The following KIRREL3 variants were observed in gnomAD, a reference collection of about 807,000 sequenced individuals.
KIRREL3 encodes kirre like nephrin family adhesion molecule 3, also known as kin of IRRE-like protein 3.
Under a neutral mutation model 89.7 loss-of-function variants are expected in KIRREL3, and 36 were observed. The ratio of observed to expected loss-of-function variants is 0.40; its 90% CI spans 0.31 to 0.53. The LOEUF (loss-of-function observed/expected upper bound fraction) is 0.53. KIRREL3 is among the 20% of genes least tolerant of loss of function. The probability of loss-of-function intolerance (pLI) is 0.49; values close to 1 mark genes in which losing one functional copy is unlikely to be tolerated. For synonymous variants in KIRREL3, 445 were observed against 441.4 expected (o/e 1.01, Z -0.10); for missense variants, 864 against 1,056.6 (o/e 0.82, Z 2.53).
chr11:126,510,108 T>G (rs1303366953), intron 4 of KIRREL3, among the ~76,000 whole-genome samples: 1 of 151,658 alleles, frequency 6.6e-6, no homozygotes, highest in Non-Finnish European at 1.5e-5. Flanking sequence ...GGGCTGAAAT[T>G]GTCTGGGCAG....
chr11:126,952,549 A>T (rs969645416), intron 1 of KIRREL3, among the ~76,000 whole-genome samples: 2 of 152,138 alleles, frequency 1.3e-5, no homozygotes, highest in Non-Finnish European at 2.9e-5. Flanking sequence ...CACTCTGATG[A>T]TGGTTTCTTT....
At chr11:126,937,830 C>T (rs777165078) in intron 1 of KIRREL3, among the ~76,000 whole-genome samples, 31 of 152,146 alleles carry the variant, frequency 2.0e-4, no homozygotes, top group African/African-American at 6.0e-4. Flanking sequence ...ACCAAGGAGG[C>T]GGAGCTTGCA....
intron 1 of KIRREL3, among the ~76,000 whole-genome samples, chr11:126,598,076 A>C (rs1186901007): frequency 3.9e-5 from 6 of 152,258 alleles, no homozygotes; most frequent in African/African-American, 1.4e-4. Context: ...GCTAATGAGC[A>C]GGCGCAAGAA....
At position 126,686,777 on chromosome 11, in the gene KIRREL3, G is replaced by A. The variant is rs566941349; in HGVS notation, c.56-123865C>T. Among the ~76,000 whole-genome samples, 84 of 152,100 alleles carry A rather than the reference G, an allele frequency of 5.5e-4. No homozygotes were observed. Among genetic ancestry groups the A allele is most frequent in the Non-Finnish European group, 9.3e-4 (63 of 67,992 alleles). ...GTATTTTTAGTAGAGATGGGGCTTCGCATGTTGGCCAGGCTGGTCTCGAAC... is the reference window on the plus strand; with the variant it reads ...GTATTTTTAGTAGAGATGGGGCTTCACATGTTGGCCAGGCTGGTCTCGAAC... On this transcript the variant is annotated intron_variant, in intron 1 of 16. Coordinates refer to ENST00000525144, the MANE Select transcript of KIRREL3 (RefSeq NM_032531.4). This position sits in a 1 kb window ranked among gnomAD's most constrained non-coding sequence, Gnocchi z 4.7.
rs1180015979 is a variant in KIRREL3, at chr11:126,673,614, G to A, written c.56-110702C>T. Among the ~76,000 whole-genome samples, 3 of 152,176 alleles carry A rather than the reference G, an allele frequency of 2.0e-5. No individual in the cohort carries two copies. The South Asian group carries it at 6.2e-4, about 31-fold the overall frequency. ...ACAGTCAGGGCTGGCACAGGGACTG[G>A]GGAATGAAAAATAAATGAGGGCTCA... On this transcript the variant is annotated intron_variant, in intron 1 of 16. Coordinates refer to ENST00000525144, the MANE Select transcript of KIRREL3 (RefSeq NM_032531.4).
In KIRREL3 at chr11:126,985,231, G is replaced by A. The variant is rs1029308163; in HGVS notation, c.55+15224C>T. Among the ~76,000 whole-genome samples the A allele has an allele frequency of 1.3e-5, 2 of 152,162 alleles. No homozygotes were observed. Among genetic ancestry groups the A allele is most frequent in the Admixed American group, 1.3e-4 (2 of 15,288 alleles). ...CAAGTGAAATGCTGGGCACGGAAAGGTAGGAGTTGTCCAGAATCCCTGACA... is the reference window on the plus strand; with the variant it reads ...CAAGTGAAATGCTGGGCACGGAAAGATAGGAGTTGTCCAGAATCCCTGACA... On this transcript the variant is annotated intron_variant, in intron 1 of 16. Coordinates refer to ENST00000525144, the MANE Select transcript of KIRREL3 (RefSeq NM_032531.4). The surrounding 1 kb of genome is among the most constrained non-coding windows in gnomAD (Gnocchi z 5.3).
chr11:126,923,216 CTTCTTCT>C lies in KIRREL3; in HGVS notation c.55+77232_55+77238del, dbSNP rs1947495557. Among the ~76,000 whole-genome samples, 12 of 25,214 alleles carry C rather than the reference CTTCTTCT, an allele frequency of 4.8e-4. 3 individuals carry two copies. The highest frequency in any genetic ancestry group is 1.1e-3 in the Admixed American group (3 of 2,632). The allele number at this position is 25,214 out of a possible 152,430, so 16.5% of individuals were successfully genotyped here. A position where few individuals can be genotyped will look rare whatever the true frequency, so the allele number is the denominator to read the frequency against. ...TCTTCTTCTTCTTCTTCTTCTTCTT[CTTCTTCT>C]TCTTCTTCTTCTTCTTCTTCTTCTT... is the stretch of plus-strand genomic sequence containing the variant. On this transcript the variant is annotated intron_variant, in intron 1 of 16. Coordinates refer to ENST00000525144, the MANE Select transcript of KIRREL3 (RefSeq NM_032531.4).
In KIRREL3 at chr11:126,878,334, C is replaced by T. The variant is rs570046789; in HGVS notation, c.55+122121G>A. Reference sequence around the variant, plus strand: ...CAGGTGACTAATGGGGTCTCACCACCTCCCACCCCCATTAGATATATATAC... The same window carrying T: ...CAGGTGACTAATGGGGTCTCACCACTTCCCACCCCCATTAGATATATATAC... On this transcript the variant is annotated intron_variant, in intron 1 of 16. Transcript: ENST00000525144. Among the ~76,000 whole-genome samples the T allele has an allele frequency of 3.3e-5, 5 of 152,262 alleles. No homozygotes were observed. In the South Asian group the frequency reaches 8.3e-4, roughly 25 times the overall value.
chr11:126,602,787 C>T (rs1002167413), intron 1 of KIRREL3, among the ~76,000 whole-genome samples: 1 of 152,180 alleles, frequency 6.6e-6, no homozygotes, highest in Non-Finnish European at 1.5e-5. Flanking sequence ...GCTTGCTGTT[C>T]TGTCGGGGGC....
At position 126,614,021 on chromosome 11, in the gene KIRREL3, T is replaced by G. The variant is rs1437506897; in HGVS notation, c.56-51109A>C. On this transcript the variant is annotated intron_variant, in intron 1 of 16. Coordinates refer to ENST00000525144, the MANE Select transcript of KIRREL3 (RefSeq NM_032531.4). The surrounding 1 kb of genome is among the most constrained non-coding windows in gnomAD (Gnocchi z 4.6). Reference sequence around the variant, plus strand: ...ATTGCTTTTGGCTCTTGATTTATGATGAGGTTCTTTTCTGTGTAATTCTTT... The same window carrying G: ...ATTGCTTTTGGCTCTTGATTTATGAGGAGGTTCTTTTCTGTGTAATTCTTT... Among the ~76,000 whole-genome samples the G allele has an allele frequency of 1.3e-5, 2 of 152,128 alleles. No homozygotes were observed. The highest frequency in any genetic ancestry group is 3.8e-4 in the East Asian group (2 of 5,196).
In KIRREL3 at chr11:126,647,581, C is replaced by G. The variant is rs993970497; in HGVS notation, c.56-84669G>C. Among the ~76,000 whole-genome samples the G allele has an allele frequency of 3.3e-5, 5 of 152,226 alleles. No individual in the cohort carries two copies. Among genetic ancestry groups the G allele is most frequent in the African/African-American group, 1.2e-4 (5 of 41,456 alleles). On this transcript the variant is annotated intron_variant, in intron 1 of 16. Transcript: ENST00000525144. This position sits in a 1 kb window ranked among gnomAD's most constrained non-coding sequence, Gnocchi z 4.9. The stretch of plus-strand genomic sequence containing the variant: ...CAAAAGTTTACAGCGAAGATCAAAT[C>G]TGTCAGCAAATCCCTTTGGTTCTTC...
At chr11:126,815,235 ATTGAG>A (rs1951517958) in intron 1 of KIRREL3, among the ~76,000 whole-genome samples, 1 of 152,170 alleles carries the variant, frequency 6.6e-6, no homozygotes, top group Admixed American at 6.5e-5. Flanking sequence ...ATATTTCTGG[ATTGAG>A]TTAAGGATGG....
In KIRREL3 at chr11:126,653,650, C is replaced by T. The variant is rs1419772841; in HGVS notation, c.56-90738G>A. The stretch of plus-strand genomic sequence containing the variant: ...GTCACACGGACACTCTGACCCGACT[C>T]TCTCCTGGCAGCATTCAATGTGACA... On this transcript the variant is annotated intron_variant, in intron 1 of 16. Coordinates refer to ENST00000525144, the MANE Select transcript of KIRREL3 (RefSeq NM_032531.4). This position sits in a 1 kb window ranked among gnomAD's most constrained non-coding sequence, Gnocchi z 5.4. Among the ~76,000 whole-genome samples, 1 of 152,172 alleles carries T rather than the reference C, an allele frequency of 6.6e-6. No individual in the cohort carries two copies. Among genetic ancestry groups the T allele is most frequent in the African/African-American group, 2.4e-5 (1 of 41,446 alleles).
Position 126,689,153 on chromosome 11 carries a change from G to C in KIRREL3, c.56-126241C>G, listed in dbSNP as rs1946784712. The stretch of plus-strand genomic sequence containing the variant: ...TGATAAACTGGCCCACTGTGATCTT[G>C]CAGGAAACATCAACAGTCTGAGAAT... On this transcript the variant is annotated intron_variant, in intron 1 of 16. Transcript: ENST00000525144. The surrounding 1 kb of genome is among the most constrained non-coding windows in gnomAD (Gnocchi z 5.2). Among the ~76,000 whole-genome samples, 1 of 151,830 alleles carries C rather than the reference G, an allele frequency of 6.6e-6. No homozygotes were observed. Among genetic ancestry groups the C allele is most frequent in the Non-Finnish European group, 1.5e-5 (1 of 67,988 alleles).
intron 1 of KIRREL3, among the ~76,000 whole-genome samples, chr11:126,857,966 G>C (rs1944585462): frequency 6.6e-6 from 1 of 152,118 alleles, no homozygotes; most frequent in African/African-American, 2.4e-5. Context: ...ACAGCCACAG[G>C]GCTCAGGGCA....
At position 126,452,300 on chromosome 11, in the gene KIRREL3, C is replaced by A. The variant is rs574948664; in HGVS notation, c.849-3143G>T. On this transcript the variant is annotated intron_variant, in intron 7 of 16. Coordinates refer to ENST00000525144, the MANE Select transcript of KIRREL3 (RefSeq NM_032531.4). ...CAATCTCTTAACTTTGATTTAATGA[C>A]CAGACTTAAAAGAGTCAGGCCGGCC... Among the ~76,000 whole-genome samples, 9 of 152,382 alleles carry A rather than the reference C, an allele frequency of 5.9e-5. No homozygotes were observed. In the East Asian group the frequency reaches 1.7e-3, roughly 29 times the overall value.
Position 126,664,272 on chromosome 11 carries a change from C to T in KIRREL3, c.56-101360G>A, listed in dbSNP as rs779155055. Among the ~76,000 whole-genome samples, 1 of 151,810 alleles carries T rather than the reference C, an allele frequency of 6.6e-6. No individual in the cohort carries two copies. Among genetic ancestry groups the T allele is most frequent in the Non-Finnish European group, 1.5e-5 (1 of 68,004 alleles). The stretch of plus-strand genomic sequence containing the variant: ...TTTTACCATCATTATGATCATCAAC[C>T]CAGCACCAATTATGTAGAGCAGGCA... On this transcript the variant is annotated intron_variant, in intron 1 of 16. Transcript: ENST00000525144. The surrounding 1 kb of genome is among the most constrained non-coding windows in gnomAD (Gnocchi z 5.4).
intron 1 of KIRREL3, among the ~76,000 whole-genome samples, chr11:126,813,918 CT>C (rs547048211): frequency 2.1e-3 from 313 of 152,234 alleles, no homozygotes; most frequent in African/African-American, 7.2e-3. Flanking sequence ...CAAATGGGGT[CT>C]AATTAAACTC....
At chr11:126,695,406 CAAAAAA>C (rs36034228) in intron 1 of KIRREL3, among the ~76,000 whole-genome samples, 6 of 64,350 alleles carry the variant, frequency 9.3e-5, no homozygotes, top group African/African-American at 3.6e-4. Flanking sequence ...TTAGCTTTAC[CAAAAAA>C]AAAAAAAAAA....
Sources: allele counts gnomAD v4.1 joint callset (sites outside exome capture counted in the v4.1 genomes callset), GRCh38; gene constraint gnomAD v4.1.1; non-coding constraint Gnocchi (gnomAD v3.1); transcripts MANE v1.5; gene names NCBI Gene and HGNC (gene_info 2026-07-23, HGNC 2026-07-21).